POLR1C: variants seen among roughly 807,000 people sequenced by gnomAD.
The protein encoded by POLR1C is RNA polymerase I and III subunit C, also known as DNA-directed RNA polymerases I and III subunit RPAC1.
In POLR1C, 42 loss-of-function variants were observed where a neutral mutation model predicts 38.3. That is an observed-to-expected ratio of 1.10 (90% CI 0.86 to 1.42). The LOEUF (loss-of-function observed/expected upper bound fraction) is 1.42. Among genes scored for constraint, POLR1C ranks in the 40% most tolerant of loss-of-function variants. POLR1C has a pLI of 0.00. For missense variants in POLR1C, 507 were observed against 450.5 expected (o/e 1.13, Z -1.14); for synonymous variants, 163 against 163.9 (o/e 0.99, Z 0.04).
Position 43,539,560 on chromosome 6 carries a change from G to A in POLR1C, c.*4+10201G>A, listed in dbSNP as rs778238946. On this transcript the variant is annotated intron_variant, in intron 9 of 10. Coordinates refer to the POLR1C transcript ENST00000607635. Reference sequence around the variant, plus strand: ...CTTTGGCCTTGCCTCCGCGAGCTCCGCGGCCTCAGCCCCGGCCCGGTCCAC... The same window carrying A: ...CTTTGGCCTTGCCTCCGCGAGCTCCACGGCCTCAGCCCCGGCCCGGTCCAC... 33 of 1,382,260 alleles carry A rather than the reference G, an allele frequency of 2.4e-5. 1 individual carries two copies. The Admixed American group carries it at 4.2e-4, about 17-fold the overall frequency. The allele number at this position is 1,382,260 out of a possible 1,614,324, so 85.6% of individuals were successfully genotyped here.
At chr6:43,528,598 T>C (rs1160083283) in intron 8 of POLR1C, among the ~76,000 whole-genome samples, 3 of 151,912 alleles carry the variant, frequency 2.0e-5, no homozygotes, top group Non-Finnish European at 2.9e-5. Flanking sequence ...TAACAGGAGG[T>C]TAGGAGCAGA....
intron 8 of POLR1C, chr6:43,527,417 C>T: frequency 4.6e-6 from 2 of 436,676 alleles, no homozygotes; most frequent in East Asian, 9.4e-5. Flanking sequence ...GACTACAGGC[C>T]TGCGCGCCAC....
intron 10 of POLR1C, chr6:43,556,004 A>G: frequency 6.2e-7 from 1 of 1,610,000 alleles, no homozygotes; most frequent in Non-Finnish European, 8.5e-7. Flanking sequence ...AGGAATCAAT[A>G]ACTGGTATAA....
downstream of POLR1C, chr6:43,530,713 A>T: frequency 1.2e-6 from 2 of 1,614,008 alleles, no homozygotes; most frequent in Non-Finnish European, 1.7e-6. Context: ...GTCGGTAGTC[A>T]GGAATATTGT....
intron 9 of POLR1C, among the ~76,000 whole-genome samples, chr6:43,542,416 A>G (rs1419482388): frequency 6.6e-6 from 1 of 151,854 alleles, no homozygotes; most frequent in Non-Finnish European, 1.5e-5. Flanking sequence ...TTTATTTTTC[A>G]ATTTTTTTTT....
downstream of POLR1C, chr6:43,523,921 T>C (rs373525815): frequency 3.8e-5 from 61 of 1,613,902 alleles, no homozygotes; most frequent in Non-Finnish European, 4.9e-5. Flanking sequence ...AGCACCTCCG[T>C]CTCCAGCATT....
At position 43,547,784 on chromosome 6, in the gene POLR1C, C is replaced by CTA. The variant is rs549884121; in HGVS notation, c.*5-3182_*5-3181dup. On this transcript the variant is annotated intron_variant, in intron 9 of 10. Transcript: ENST00000607635. ...AGTTTCTTCCACAGGAGTTAACAGG[C>CTA]TATCATTATTTGGCCCTTAAGAGCA... is the stretch of plus-strand genomic sequence containing the variant. 5,417 of 1,326,162 alleles carry CTA rather than the reference C, an allele frequency of 4.1e-3. 16 individuals are homozygous for CTA. Among genetic ancestry groups the CTA allele is most frequent in the Non-Finnish European group, 5.2e-3 (4,872 of 930,388 alleles). The allele number at this position is 1,326,162 out of a possible 1,614,324, so 82.1% of individuals were successfully genotyped here.
At chr6:43,551,478 T>G in intron 10 of POLR1C, 1 of 1,604,518 alleles carries the variant, frequency 6.2e-7, no homozygotes, top group Non-Finnish European at 8.5e-7. Context: ...TAAAACAGGT[T>G]GACAATGGCT....
downstream of POLR1C, chr6:43,522,825 G>T (rs148681590): frequency 9.0e-6 from 3 of 332,074 alleles, no homozygotes; most frequent in Non-Finnish European, 2.1e-5. Flanking sequence ...CTCAGGGCCA[G>T]GTCCCGTATC....
Position 43,520,746 on chromosome 6 carries a change from T to A in POLR1C, c.777T>A (p.Pro259=). 1 of 1,614,146 alleles carries A rather than the reference T, an allele frequency of 6.2e-7. No homozygotes were observed. Among genetic ancestry groups the A allele is most frequent in the South Asian group, 1.1e-5 (1 of 91,088 alleles). The change falls in exon 7 of 9, where the codon CCT becomes CCA. Residue 259 remains proline, a synonymous_variant. Coordinates refer to ENST00000642195, the MANE Select transcript of POLR1C (RefSeq NM_203290.4). ...AGGAGTTGAGCAGGTGCTTCTCACC[T>A]GGTGTTATTGAGGTGCAGGAAGTCC... ...AAEELSRCFS[P]GVIEVQEVQG...
chr6:43,546,521 T>A, intron 9 of POLR1C: 1 of 1,545,424 alleles, frequency 6.5e-7, no homozygotes, highest in Non-Finnish European at 8.7e-7. Flanking sequence ...CTTTTGAAAT[T>A]TTTAAGGTAA....
chr6:43,541,076 G>A (rs1794666111), intron 9 of POLR1C, among the ~76,000 whole-genome samples: 2 of 152,150 alleles, frequency 1.3e-5, no homozygotes, highest in Admixed American at 6.6e-5. Context: ...GACATACAGA[G>A]TGTAAGGATG....
At chr6:43,524,935 T>TA, downstream of POLR1C, 1 of 1,613,904 alleles carries the variant, frequency 6.2e-7, no homozygotes, top group African/African-American at 1.3e-5. Context: ...AAAAGCCACG[T>TA]AACTGCATCT....
chr6:43,521,243 A>T lies in POLR1C; in HGVS notation c.984A>T (p.Val328=), dbSNP rs1793169586. 1 of 1,613,580 alleles carries T rather than the reference A, an allele frequency of 6.2e-7. No homozygotes were observed. Among genetic ancestry groups the T allele is most frequent in the South Asian group, 1.1e-5 (1 of 91,058 alleles). The change falls in exon 9 of 9, where the codon GTA becomes GTT. Residue 328 remains valine (V), a synonymous_variant. Transcript: ENST00000642195. ...TGCTGGTGAGTGAAGCCATCAAAGT[A>T]CTGATGGGGAAGTGCCGGCGCTTCT... ...PDVLVSEAIK[V]LMGKCRRFLD...
chr6:43,518,778 G>T (rs1264560394), intron 2 of POLR1C, among the ~76,000 whole-genome samples: 2 of 152,164 alleles, frequency 1.3e-5, no homozygotes, highest in African/African-American at 2.4e-5. Flanking sequence ...CCGCCTCCCG[G>T]GTTCAAGCAG....
At chr6:43,530,750 A>T, downstream of POLR1C, 1 of 1,614,006 alleles carries the variant, frequency 6.2e-7, no homozygotes, top group Non-Finnish European at 8.5e-7. Flanking sequence ...TGAGCTGAGA[A>T]GCTGGGTAGC....
Position 43,520,649 on chromosome 6 carries a change from C to T in POLR1C, c.680C>T (p.Pro227Leu), listed in dbSNP as rs752324853. The T allele has an allele frequency of 6.2e-7, 1 of 1,614,122 alleles. No individual in the cohort carries two copies. The highest frequency in any genetic ancestry group is 1.1e-5 in the South Asian group (1 of 91,078). ...GIGKDHAKFS[P>L]VATASYRLLP... Reference sequence around the variant, plus strand: ...GGCAAAGATCATGCCAAGTTTTCACCAGTGGCAACAGCCAGTTACAGGCTC... The same window carrying T: ...GGCAAAGATCATGCCAAGTTTTCACTAGTGGCAACAGCCAGTTACAGGCTC... The change falls in exon 7 of 9, where the codon CCA becomes CTA. Residue 227 changes from proline (P) to leucine (L), a missense_variant. By Grantham distance (98) the Pro-to-Leu change is moderately conservative. Coordinates refer to ENST00000642195, the MANE Select transcript of POLR1C (RefSeq NM_203290.4).
intron 10 of POLR1C, among the ~76,000 whole-genome samples, chr6:43,556,827 T>C (rs1341027988): frequency 1.3e-5 from 2 of 152,014 alleles, no homozygotes; most frequent in Non-Finnish European, 2.9e-5. Flanking sequence ...AATGAAATAT[T>C]AGCAATAAAA....
At chr6:43,522,656 TG>T (rs1257596339), downstream of POLR1C, 1 of 454,604 alleles carries the variant, frequency 2.2e-6, no homozygotes, top group Non-Finnish European at 4.7e-6. Flanking sequence ...ACCCTGCCTG[TG>T]GCCCGCACCA....
Sources: allele counts gnomAD v4.1 joint callset (sites outside exome capture counted in the v4.1 genomes callset), GRCh38; gene constraint gnomAD v4.1.1; transcripts MANE v1.5; gene names NCBI Gene and HGNC (gene_info 2026-07-23, HGNC 2026-07-21).